IQGAP2: variants seen among roughly 807,000 people sequenced by gnomAD.
IQGAP2 encodes ras GTPase-activating-like protein IQGAP2.
Under a neutral mutation model 201.3 loss-of-function variants are expected in IQGAP2, and 173 were observed. That is an observed-to-expected ratio of 0.86 (90% CI 0.76 to 0.98). The LOEUF is 0.98. Ranked by LOEUF, IQGAP2 falls within the 50% of genes least tolerant of loss-of-function variation. IQGAP2 has a pLI of 0.00. For synonymous variants in IQGAP2, 675 were observed against 673.9 expected (o/e 1.00, Z -0.03); for missense variants, 1,687 against 1,864.8 (o/e 0.90, Z 1.76).
At chr5:76,532,759 G>A (rs1047817269) in intron 2 of IQGAP2, among the ~76,000 whole-genome samples, 1 of 152,138 alleles carries the variant, frequency 6.6e-6, no homozygotes, top group Non-Finnish European at 1.5e-5. Context: ...GGACCACTCC[G>A]TGCCCTTGGA....
intron 1 of IQGAP2, among the ~76,000 whole-genome samples, chr5:76,457,088 C>G (rs1376742310): frequency 6.6e-6 from 1 of 152,048 alleles, no homozygotes; most frequent in Admixed American, 6.6e-5. Context: ...TTCATGGGCT[C>G]AAGTAATCCT....
chr5:76,439,226 A>G (rs1358341984), intron 1 of IQGAP2, among the ~76,000 whole-genome samples: 1 of 152,178 alleles, frequency 6.6e-6, no homozygotes, highest in Non-Finnish European at 1.5e-5. Context: ...TACTTAATAC[A>G]ATTGTTTCTT....
chr5:76,550,986 GC>G (rs1380303667), intron 2 of IQGAP2, among the ~76,000 whole-genome samples: 1 of 149,416 alleles, frequency 6.7e-6, no homozygotes, highest in Non-Finnish European at 1.5e-5. Flanking sequence ...GGCGGGGGCT[GC>G]CCCCCACCTC....
chr5:76,665,137 A>G lies in IQGAP2; in HGVS notation c.2641A>G (p.Thr881Ala). 1.2e-6 allele frequency: 2 copies of G among 1,613,774 alleles called. No individual in the cohort carries two copies. Among genetic ancestry groups the G allele is most frequent in the African/African-American group, 1.3e-5 (1 of 75,060 alleles). ...AAGTTTGAGTAAGGAGAGGAGAAAAACACTAGAAACATATCAGCAGCTGTT... is the reference window on the plus strand; with the variant it reads ...AAGTTTGAGTAAGGAGAGGAGAAAAGCACTAGAAACATATCAGCAGCTGTT... ...IKSLSKERRK[T>A]LETYQQLFYL... is the part of the protein sequence containing the mutation. Residue 881 changes from threonine to alanine, a missense_variant, in exon 22 of 36, where the codon ACA (threonine) becomes GCA (alanine). Coordinates refer to ENST00000274364, the MANE Select transcript of IQGAP2 (RefSeq NM_006633.5).
In IQGAP2 at chr5:76,671,921, A is replaced by C; in HGVS notation, c.3006A>C (p.Thr1002=). The change falls in exon 24 of 36, where the codon ACA becomes ACC. Residue 1002 remains threonine (T), a synonymous_variant. Transcript: ENST00000274364. The part of the protein sequence containing the change: ...IIDDKSLIIN[T]NPVEVYKAWV... ...ACGACAAGTCGCTGATTATCAACAC[A>C]AACCCTGTAGAGGTGTACAAGGCTT... The C allele has an allele frequency of 6.2e-7, 1 of 1,614,184 alleles. No homozygotes were observed. The highest frequency in any genetic ancestry group is 8.5e-7 in the Non-Finnish European group (1 of 1,180,018).
chr5:76,675,399 G>A (rs1170901730), intron 27 of IQGAP2, among the ~76,000 whole-genome samples: 1 of 152,180 alleles, frequency 6.6e-6, no homozygotes, highest in Non-Finnish European at 1.5e-5. Context: ...GAAAGGTTAG[G>A]AAAACCCAGA....
intron 1 of IQGAP2, among the ~76,000 whole-genome samples, chr5:76,455,964 A>G (rs997936696): frequency 6.6e-6 from 1 of 152,088 alleles, no homozygotes; most frequent in Non-Finnish European, 1.5e-5. Flanking sequence ...GTCATGGGGG[A>G]ACAGTTCCAG....
chr5:76,616,835 G>A (rs1025834078), intron 13 of IQGAP2: 1 of 152,122 alleles, frequency 6.6e-6, no homozygotes, highest in Non-Finnish European at 1.5e-5. Context: ...GCCAGGTGAC[G>A]AAGCGAGACA....
intron 20 of IQGAP2, among the ~76,000 whole-genome samples, chr5:76,655,424 C>T (rs1752836668): frequency 6.6e-6 from 1 of 152,128 alleles, no homozygotes. Context: ...TCATTTTGAA[C>T]TTTTCACAGA....
intron 13 of IQGAP2, chr5:76,617,517 C>T: frequency 7.8e-7 from 1 of 1,275,660 alleles, no homozygotes; most frequent in South Asian, 1.4e-5. Context: ...TTGCACTATG[C>T]TTATGTTGTT....
intron 1 of IQGAP2, among the ~76,000 whole-genome samples, chr5:76,459,891 G>A (rs1301536314): frequency 2.6e-5 from 4 of 152,004 alleles, no homozygotes; most frequent in Non-Finnish European, 5.9e-5. Context: ...TGCCTGCCTC[G>A]ACCTCCCAAA....
At chr5:76,542,662 C>A (rs1481778527) in intron 2 of IQGAP2, among the ~76,000 whole-genome samples, 1 of 152,180 alleles carries the variant, frequency 6.6e-6, no homozygotes, top group Non-Finnish European at 1.5e-5. Flanking sequence ...TCCCTTGAGC[C>A]CCTTGAGGGA....
chr5:76,644,295 CTTTTTTTTT>C (rs547155944), intron 17 of IQGAP2, among the ~76,000 whole-genome samples: 1 of 47,778 alleles, frequency 2.1e-5, no homozygotes, highest in Non-Finnish European at 4.3e-5. Flanking sequence ...TTTGTAAATC[CTTTTTTTTT>C]TTTTTTTTTT....
intron 2 of IQGAP2, among the ~76,000 whole-genome samples, chr5:76,491,643 C>A (rs1293284463): frequency 6.6e-6 from 1 of 152,128 alleles, no homozygotes; most frequent in East Asian, 1.9e-4. Flanking sequence ...CTTCCCATAA[C>A]TTTTCTCTTT....
At chr5:76,472,402 C>T (rs1755162893) in intron 2 of IQGAP2, among the ~76,000 whole-genome samples, 2 of 152,126 alleles carry the variant, frequency 1.3e-5, no homozygotes, top group South Asian at 2.1e-4. Context: ...GGCCAGCTGG[C>T]GGTGACCAGG....
At chr5:76,610,081 T>G (rs866160378) in intron 12 of IQGAP2, among the ~76,000 whole-genome samples, 2 of 6,082 alleles carry the variant, frequency 3.3e-4, no homozygotes, top group East Asian at 0.025. Flanking sequence ...TCTCTCTATA[T>G]ATATATATAT....
chr5:76,438,018 T>C (rs10474473), intron 1 of IQGAP2, among the ~76,000 whole-genome samples: 1 of 44,082 alleles, frequency 2.3e-5, no homozygotes, highest in Non-Finnish European at 5.4e-5. Flanking sequence ...GTTTTTTTTT[T>C]TTTTTTTTTT....
At chr5:76,623,342 T>C (rs1245752212) in intron 13 of IQGAP2, 8 of 1,335,358 alleles carry the variant, frequency 6.0e-6, no homozygotes, top group Middle Eastern at 2.0e-4. Flanking sequence ...GGTCTGTCTG[T>C]AGAAGTTTGC....
chr5:76,702,706 G>GCCTTATTTGCCAATATTTGTT, intron 35 of IQGAP2, 116 bp downstream of exon 35: 9 of 600,344 alleles, frequency 1.5e-5, no homozygotes, highest in Non-Finnish European at 2.7e-5. Flanking sequence ...ACCAGTGCCA[G>GCCTTATTTGCCAATATTTGTT]CCTTATTTGC....
Sources: gnomAD v4.1 joint callset for allele counts (sites outside exome capture counted in the v4.1 genomes callset) on GRCh38, gnomAD v4.1.1 for gene constraint, MANE v1.5 for transcripts, NCBI Gene and HGNC (gene_info 2026-07-23, HGNC 2026-07-21) for gene names.